The following PCDHGA2 variants were observed in gnomAD, a reference collection of about 807,000 sequenced individuals.
PCDHGA2 encodes the protein protocadherin gamma subfamily A, 2.
PCDHGA2 carries 40 observed loss-of-function variants against 59.2 expected under a neutral mutation model. The observed-to-expected ratio is 0.68, with a 90% CI of 0.52 to 0.88. PCDHGA2 has a LOEUF of 0.88. Among genes scored for constraint, PCDHGA2 ranks in the 40% least tolerant of loss-of-function variants. The pLI is 0.00. For synonymous variants in PCDHGA2, 560 were observed against 526.0 expected, an observed-to-expected ratio of 1.06 and a Z score of -0.89; for missense variants, 1,226 against 1,204.0, an observed-to-expected ratio of 1.02 and a Z score of -0.27.
In PCDHGA2 at chr5:141,339,587, G is replaced by T; in HGVS notation, c.616G>T (p.Ala206Ser). 6.2e-7 allele frequency: 1 copy of T among 1,614,194 alleles called. No individual in the cohort carries two copies. Among genetic ancestry groups the T allele is most frequent in the South Asian group, 1.1e-5 (1 of 91,080 alleles). Residue 206 changes from alanine to serine, a missense_variant, in exon 1 of 4, where the codon GCT becomes TCT. Transcript: ENST00000394576. ...LERSLDREEE[A>S]VHHLVLVASD... ...GCGCTCTCTGGACCGCGAGGAAGAG[G>T]CTGTTCACCACCTCGTTCTCGTGGC...
chr5:141,387,209 T>A lies in PCDHGA2; in HGVS notation c.2424+45814T>A, dbSNP rs911946032. Among the ~76,000 whole-genome samples, 3 of 152,170 alleles carry A rather than the reference T, an allele frequency of 2.0e-5. No individual in the cohort carries two copies. In the South Asian group the frequency reaches 6.2e-4, roughly 31 times the overall value. On this transcript the variant is annotated intron_variant, in intron 1 of 3. Coordinates refer to ENST00000394576, the MANE Select transcript of PCDHGA2 (RefSeq NM_018915.4). ...GGCAATTTTGGTATTACTGATACTC[T>A]CCGGAAAAAGTTGAAATAAATCAAC...
intron 1 of PCDHGA2, chr5:141,410,230 C>T (rs759582867): frequency 6.2e-7 from 1 of 1,614,006 alleles, no homozygotes; most frequent in Admixed American, 1.7e-5. Flanking sequence ...CAGACCTCAG[C>T]GACCGCCCTG....
intron 1 of PCDHGA2, chr5:141,421,424 G>A: frequency 6.2e-7 from 1 of 1,614,092 alleles, no homozygotes. Context: ...CGCGGAGTCC[G>A]CATCGTCTCC....
chr5:141,339,876 C>G lies in PCDHGA2; in HGVS notation c.905C>G (p.Thr302Arg). The change falls in exon 1 of 4, where the codon ACA (threonine) becomes AGA (arginine). Residue 302 changes from threonine (T) to arginine (R), a missense_variant. Coordinates refer to ENST00000394576, the MANE Select transcript of PCDHGA2 (RefSeq NM_018915.4). ...CTTAAGTCAACATCTGGAGAACTGA[C>G]AATCATAAAAGATCTAGATTATGAG... ...FELKSTSGEL[T>R]IIKDLDYEDA... 1 of 1,614,118 alleles carries G rather than the reference C, an allele frequency of 6.2e-7. No individual in the cohort carries two copies. The highest frequency in any genetic ancestry group is 8.5e-7 in the Non-Finnish European group (1 of 1,179,974).
rs779193571 is a variant in PCDHGA2, at chr5:141,362,099, C to G, written c.2424+20704C>G. 1.4e-5 allele frequency: 23 copies of G among 1,613,768 alleles called. No individual in the cohort carries two copies. The African/African-American group carries it at 2.9e-4, about 21-fold the overall frequency. ...CGTGATGGAGGACAGCCGCCACTCT[C>G]CGCTACGGCCACGCTGCACCTAATC... On this transcript the variant is annotated intron_variant, in intron 1 of 3. Coordinates refer to ENST00000394576, the MANE Select transcript of PCDHGA2 (RefSeq NM_018915.4).
At chr5:141,469,424 AC>A (rs1173507321) in intron 1 of PCDHGA2, among the ~76,000 whole-genome samples, 1 of 151,864 alleles carries the variant, frequency 6.6e-6, no homozygotes, top group East Asian at 1.9e-4. Context: ...AAAATATAAA[AC>A]TTAGCTGGGC....
intron 1 of PCDHGA2, among the ~76,000 whole-genome samples, chr5:141,458,869 A>G (rs2154566384): frequency 6.6e-6 from 1 of 152,264 alleles, no homozygotes; most frequent in East Asian, 1.9e-4. Context: ...AGTAGCTGGG[A>G]CTACAGGCAT....
intron 1 of PCDHGA2, chr5:141,423,124 C>T (rs748586131): frequency 1.9e-6 from 3 of 1,613,778 alleles, no homozygotes; most frequent in Non-Finnish European, 1.7e-6. Context: ...AGCGCGGGCA[C>T]TGCTGGACAG....
chr5:141,441,838 C>T, intron 1 of PCDHGA2: 4 of 355,582 alleles, frequency 1.1e-5, no homozygotes, highest in South Asian at 9.6e-5. Flanking sequence ...TGGCTTCGCG[C>T]TCTTGGATAT....
intron 1 of PCDHGA2, chr5:141,355,525 C>T (rs372880202): frequency 6.2e-7 from 1 of 1,614,028 alleles, no homozygotes; most frequent in Non-Finnish European, 8.5e-7. Context: ...CCTGGAGATT[C>T]TTCTAGAAGA....
chr5:141,364,427 T>A, intron 1 of PCDHGA2: 1 of 1,613,768 alleles, frequency 6.2e-7, no homozygotes, highest in Non-Finnish European at 8.5e-7. Flanking sequence ...GCAGATCCGC[T>A]ACTCGATGCC....
At chr5:141,384,276 C>T (rs1333595693) in intron 1 of PCDHGA2, 1 of 1,613,888 alleles carries the variant, frequency 6.2e-7, no homozygotes, top group South Asian at 1.1e-5. Context: ...CCTACTCAGT[C>T]TACATCGCTG....
chr5:141,389,827 G>A lies in PCDHGA2; in HGVS notation c.2424+48432G>A, dbSNP rs754189855. ...CTTCTGGTCGCCGTGCGTGACGGTG[G>A]ACAGCCACCACTCTCGGCCACTGCC... On this transcript the variant is annotated intron_variant, in intron 1 of 3. Transcript: ENST00000394576. The A allele has an allele frequency of 1.4e-5, 22 of 1,613,838 alleles. No individual in the cohort carries two copies. The African/African-American group carries it at 2.7e-4, about 20-fold the overall frequency.
At chr5:141,497,664 C>T (rs779506763) in intron 2 of PCDHGA2, among the ~76,000 whole-genome samples, 14 of 151,904 alleles carry the variant, frequency 9.2e-5, no homozygotes, top group Non-Finnish European at 1.8e-4. Context: ...CTCAGCCTCC[C>T]GAGTAGCTGG....
rs1414952952 is a variant in PCDHGA2 at position 141,344,292 on chromosome 5, G to C, written c.2424+2897G>C. The C allele has an allele frequency of 1.2e-6, 2 of 1,614,092 alleles. No individual in the cohort carries two copies. Among genetic ancestry groups the C allele is most frequent in the East Asian group, 4.5e-5 (2 of 44,882 alleles). ...TCCGCAAAGCGGCAGCTTGGTCACCGCGGAGAGGATAGACCGGGAGGAGCT... is the reference window on the plus strand; with the variant it reads ...TCCGCAAAGCGGCAGCTTGGTCACCCCGGAGAGGATAGACCGGGAGGAGCT... On this transcript the variant is annotated intron_variant, in intron 1 of 3. Coordinates refer to ENST00000394576, the MANE Select transcript of PCDHGA2 (RefSeq NM_018915.4).
intron 1 of PCDHGA2, chr5:141,409,017 G>T (rs745981387): frequency 3.1e-6 from 5 of 1,613,840 alleles, no homozygotes; most frequent in Non-Finnish European, 4.2e-6. Flanking sequence ...CAGGATGAGG[G>T]GGTCAATGCT....
chr5:141,380,445 T>C (rs1249653673), intron 1 of PCDHGA2, among the ~76,000 whole-genome samples: 1 of 152,242 alleles, frequency 6.6e-6, no homozygotes, highest in African/African-American at 2.4e-5. Flanking sequence ...AGAATTCTTT[T>C]TAATGCAACC....
Position 141,413,187 on chromosome 5 carries a change from A to G in PCDHGA2, c.2424+71792A>G, listed in dbSNP as rs778441437. The G allele has an allele frequency of 6.2e-6, 10 of 1,606,328 alleles. No individual in the cohort carries two copies. The African/African-American group carries it at 1.3e-4, about 22-fold the overall frequency. On this transcript the variant is annotated intron_variant, in intron 1 of 3. Transcript: ENST00000394576. Reference sequence around the variant, plus strand: ...GTAACCAGACTACAATGGCCGCTCAAAGGAATCGCTCAAAGGAATCAAAGG... The same window carrying G: ...GTAACCAGACTACAATGGCCGCTCAGAGGAATCGCTCAAAGGAATCAAAGG...
chr5:141,445,433 C>A (rs2098466883), intron 1 of PCDHGA2, among the ~76,000 whole-genome samples: 1 of 152,136 alleles, frequency 6.6e-6, no homozygotes, highest in Non-Finnish European at 1.5e-5. Flanking sequence ...AAGGCACTGA[C>A]CTATGGACTA....
Sources: allele counts gnomAD v4.1 joint callset (sites outside exome capture counted in the v4.1 genomes callset), GRCh38; gene constraint gnomAD v4.1.1; transcripts MANE v1.5; gene names NCBI Gene and HGNC (gene_info 2026-07-23, HGNC 2026-07-21).